The following OSBPL10 variants were observed in gnomAD, a reference collection of about 807,000 sequenced individuals.
OSBPL10 encodes oxysterol binding protein like 10, also known as oxysterol-binding protein-related protein 10.
In OSBPL10, 49 loss-of-function variants were observed where a neutral mutation model predicts 81.7. That is an observed-to-expected ratio of 0.60 (90% CI 0.48 to 0.76). OSBPL10 has a LOEUF of 0.76. Ranked by LOEUF, OSBPL10 falls within the 30% of genes least tolerant of loss-of-function variation. The pLI, the probability that OSBPL10 is intolerant of heterozygous loss-of-function variation, is 0.00. For synonymous variants in OSBPL10, 419 were observed against 383.6 expected, an observed-to-expected ratio of 1.09 and a Z score of -1.08; for missense variants, 923 against 987.8, an observed-to-expected ratio of 0.93 and a Z score of 0.88.
intron 3 of OSBPL10, among the ~76,000 whole-genome samples, chr3:31,867,444 T>A (rs1474145229): frequency 6.6e-6 from 1 of 152,076 alleles, no homozygotes; most frequent in Non-Finnish European, 1.5e-5. Context: ...TTGGAGCTAA[T>A]CAAGAACAGG....
intron 1 of OSBPL10, among the ~76,000 whole-genome samples, chr3:31,954,343 A>G (rs2125450523): frequency 6.6e-6 from 1 of 152,332 alleles, no homozygotes; most frequent in Admixed American, 6.5e-5. Flanking sequence ...CTGGAAAGGA[A>G]AAAGAAGCAA....
chr3:32,072,696 CA>C lies in OSBPL10; in HGVS notation n.185+4699del, dbSNP rs1699840392. 2.0e-5 allele frequency among the ~76,000 whole-genome samples: 3 copies of C among 152,318 alleles called. No individual in the cohort carries two copies. In the South Asian group the frequency reaches 6.2e-4, roughly 32 times the overall value. On this transcript the variant is annotated intron_variant and non_coding_transcript_variant, in intron 1 of 3. Transcript: ENST00000479173. Reference sequence around the variant, plus strand: ...CAGGCCCCCTCCCTTCCCTACACATCAAGCTCGGGGATTCACCCTCGCCCAG... The same window carrying C: ...CAGGCCCCCTCCCTTCCCTACACATCAGCTCGGGGATTCACCCTCGCCCAG...
chr3:31,959,526 C>T (rs1575061383), intron 1 of OSBPL10, among the ~76,000 whole-genome samples: 1 of 152,148 alleles, frequency 6.6e-6, no homozygotes, highest in Admixed American at 6.5e-5. Context: ...TTGAAGTTTT[C>T]GCCATCACTC....
intron 3 of OSBPL10, among the ~76,000 whole-genome samples, chr3:31,858,156 A>G (rs1171555834): frequency 6.6e-6 from 1 of 151,620 alleles, no homozygotes; most frequent in Non-Finnish European, 1.5e-5. Context: ...GCACGCCACC[A>G]CACCAGGCTA....
chr3:31,793,298 C>T (rs1699080307), intron 4 of OSBPL10, among the ~76,000 whole-genome samples: 4 of 152,252 alleles, frequency 2.6e-5, no homozygotes, highest in African/African-American at 7.2e-5. Context: ...CAGTCAGCCA[C>T]TGCAGCTTCC....
chr3:31,763,943 G>A (rs900564856), intron 4 of OSBPL10, among the ~76,000 whole-genome samples: 3 of 152,126 alleles, frequency 2.0e-5, no homozygotes, highest in Non-Finnish European at 2.9e-5. Context: ...ATTAATTAAC[G>A]TTTATTGTAT....
chr3:31,688,948 G>A (rs551980383), intron 7 of OSBPL10, among the ~76,000 whole-genome samples: 2 of 152,288 alleles, frequency 1.3e-5, no homozygotes, highest in South Asian at 4.1e-4. Flanking sequence ...GTGGCTGGAT[G>A]ACCTCCAGGA....
At chr3:31,840,891 C>G (rs143589168) in intron 3 of OSBPL10, among the ~76,000 whole-genome samples, 14 of 152,178 alleles carry the variant, frequency 9.2e-5, no homozygotes, top group Non-Finnish European at 1.3e-4. Flanking sequence ...AGTTAGGCTT[C>G]TTGTTGTTGT....
In OSBPL10 at chr3:32,048,310, ATTTTT is replaced by A. The variant is rs71068027; in HGVS notation, n.186-1712_186-1708del. On this transcript the variant is annotated intron_variant and non_coding_transcript_variant, in intron 1 of 3. Coordinates refer to the OSBPL10 transcript ENST00000479173. ...GTCATCTCTCCTAGACACTACTACT[ATTTTT>A]TTTTTTTTTTTTTGAGACAGTTTCA... Among the ~76,000 whole-genome samples the A allele has an allele frequency of 4.0e-3, 537 of 134,530 alleles. 2 individuals carry two copies. Among genetic ancestry groups the A allele is most frequent in the African/African-American group, 8.2e-3 (294 of 35,984 alleles). 88.3% of individuals were successfully genotyped at this position (134,530 alleles called of 152,430 possible).
chr3:31,990,462 G>A (rs768199963), intron 2 of OSBPL10: 57 of 1,567,188 alleles, frequency 3.6e-5, no homozygotes, highest in Non-Finnish European at 4.5e-5. Flanking sequence ...AGTGTGGCAA[G>A]ACCTTCCATC....
intron 4 of OSBPL10, chr3:31,796,009 TA>T: frequency 5.0e-6 from 1 of 200,708 alleles, no homozygotes; most frequent in Non-Finnish European, 1.1e-5. Flanking sequence ...TCACACTGGG[TA>T]AAAGCCTTAT....
chr3:31,672,366 G>C (rs1354318207), intron 8 of OSBPL10, among the ~76,000 whole-genome samples: 1 of 121,930 alleles, frequency 8.2e-6, no homozygotes, highest in African/African-American at 2.9e-5. Flanking sequence ...GGGGGCGGGG[G>C]GGGGGGCAGG....
chr3:31,880,678 C>G (rs1299623888), intron 1 of OSBPL10, among the ~76,000 whole-genome samples: 2 of 152,208 alleles, frequency 1.3e-5, no homozygotes, highest in East Asian at 3.9e-4. Context: ...AGTCTTTTCT[C>G]TCTTCCTTCA....
At chr3:31,894,676 G>C (rs771388978) in intron 1 of OSBPL10, among the ~76,000 whole-genome samples, 2 of 152,192 alleles carry the variant, frequency 1.3e-5, no homozygotes, top group Non-Finnish European at 2.9e-5. Context: ...ACTGGGAGGA[G>C]TGGAAACATT....
At chr3:32,031,166 A>G (rs1299354015) in intron 2 of OSBPL10, among the ~76,000 whole-genome samples, 1 of 152,092 alleles carries the variant, frequency 6.6e-6, no homozygotes, top group Non-Finnish European at 1.5e-5. Context: ...TCCATCTCAA[A>G]AAAAAAAGAA....
chr3:31,934,089 A>C (rs961023727), intron 1 of OSBPL10, among the ~76,000 whole-genome samples: 12 of 148,166 alleles, frequency 8.1e-5, no homozygotes, highest in Non-Finnish European at 1.2e-4. Flanking sequence ...AAAAAAAAAA[A>C]CAAAAAAAAA....
intron 3 of OSBPL10, among the ~76,000 whole-genome samples, chr3:31,847,846 G>GA (rs1454673076): frequency 6.6e-6 from 1 of 152,126 alleles, no homozygotes; most frequent in Non-Finnish European, 1.5e-5. Context: ...AGGATCATGG[G>GA]AAGAGGGGCT....
chr3:31,862,177 A>AT (rs200409504), intron 3 of OSBPL10, among the ~76,000 whole-genome samples: 5 of 143,156 alleles, frequency 3.5e-5, no homozygotes, highest in Non-Finnish European at 3.0e-5. Flanking sequence ...CCACAAAAAA[A>AT]TTTTTTTTTA....
At chr3:31,761,731 C>T (rs2125723134) in intron 4 of OSBPL10, among the ~76,000 whole-genome samples, 1 of 149,558 alleles carries the variant, frequency 6.7e-6, no homozygotes. Context: ...AGGAGAATCA[C>T]TTGAACCCAG....
Sources: allele counts gnomAD v4.1 joint callset (sites outside exome capture counted in the v4.1 genomes callset), GRCh38; gene constraint gnomAD v4.1.1; transcripts MANE v1.5; gene names NCBI Gene and HGNC (gene_info 2026-07-23, HGNC 2026-07-21).